Variants in USP34 observed in about 807,000 individuals in gnomAD.
USP34 encodes ubiquitin specific peptidase 34, also known as ubiquitin carboxyl-terminal hydrolase 34.
Under a neutral mutation model 460.3 loss-of-function variants are expected in USP34, and 70 were observed. That is an observed-to-expected ratio of 0.15 (90% CI 0.13 to 0.19). The LOEUF is 0.19. Ranked by LOEUF, USP34 falls within the 10% of genes least tolerant of loss-of-function variation. USP34 has a pLI of 1.00. For missense variants in USP34, 3,985 were observed against 4,236.2 expected (o/e 0.94, Z 1.65); for synonymous variants, 1,647 against 1,405.3 (o/e 1.17, Z -3.85).
intron 5 of USP34, among the ~76,000 whole-genome samples, chr2:61,392,596 C>T (rs890461852): frequency 2.0e-5 from 3 of 152,002 alleles, no homozygotes; most frequent in African/African-American, 4.8e-5. Flanking sequence ...TGCACTCTAG[C>T]CTGGGTGACG....
chr2:61,284,105 C>G (rs185893854), intron 35 of USP34, among the ~76,000 whole-genome samples: 9 of 152,144 alleles, frequency 5.9e-5, no homozygotes, highest in Admixed American at 4.6e-4. Flanking sequence ...CTTATTACAG[C>G]AAATACGAAA....
intron 10 of USP34, among the ~76,000 whole-genome samples, chr2:61,354,551 T>C (rs1039912924): frequency 3.9e-5 from 6 of 152,172 alleles, no homozygotes; most frequent in African/African-American, 1.4e-4. Flanking sequence ...CACAAGATGG[T>C]AGCAACCACA....
chr2:61,361,041 A>G (rs973555105), intron 10 of USP34, among the ~76,000 whole-genome samples: 6 of 152,188 alleles, frequency 3.9e-5, no homozygotes, highest in Non-Finnish European at 7.4e-5. Context: ...AAATAGCAAA[A>G]AACAATCTTG....
Position 61,206,120 on chromosome 2 carries a change from C to A in USP34, c.9051G>T (p.Val3017=). The change falls in exon 72 of 80, where the codon GTG becomes GTT. Residue 3017 remains valine (V), a synonymous_variant. Transcript: ENST00000398571. ...CCTGCCACTGGATTAATGCTTGTTT[C>A]ACATCTGCAAATATAAAAGCACATA... The part of the protein sequence containing the change: ...STRPYLQRKD[V]KQALIQWQER... 6.2e-7 allele frequency: 1 copy of A among 1,613,030 alleles called. No individual in the cohort carries two copies. The highest frequency in any genetic ancestry group is 1.1e-5 in the South Asian group (1 of 91,026).
chr2:61,222,678 G>C lies in USP34; in HGVS notation c.7750-15C>G. On this transcript the variant is annotated splice_polypyrimidine_tract_variant and intron_variant, in intron 64 of 79. Coordinates refer to ENST00000398571, the MANE Select transcript of USP34 (RefSeq NM_014709.4). The stretch of plus-strand genomic sequence containing the variant: ...ATAGATACAATCTAAAACAGAAAGA[G>C]GAGGATTTCAGGATATTCTTGTTTT... 1 of 1,609,346 alleles carries C rather than the reference G, an allele frequency of 6.2e-7. No individual in the cohort carries two copies. Among genetic ancestry groups the C allele is most frequent in the Non-Finnish European group, 8.5e-7 (1 of 1,177,614 alleles).
chr2:61,286,250 C>G (rs951433979), intron 34 of USP34, among the ~76,000 whole-genome samples: 16 of 152,166 alleles, frequency 1.1e-4, no homozygotes, highest in Non-Finnish European at 2.2e-4. Flanking sequence ...AGTATTAACG[C>G]AACAGAAATT....
chr2:61,205,880 G>A (rs1687104950), intron 72 of USP34, 137 bp downstream of exon 72: 4 of 598,954 alleles, frequency 6.7e-6, no homozygotes, highest in East Asian at 2.8e-5. Flanking sequence ...TATTTTCTTA[G>A]GACCTGCTAG....
At chr2:61,340,808 C>G (rs1405536372) in intron 16 of USP34, among the ~76,000 whole-genome samples, 1 of 148,600 alleles carries the variant, frequency 6.7e-6, no homozygotes, top group Non-Finnish European at 1.5e-5. Flanking sequence ...AAATACAATC[C>G]ATTTCATAGA....
At chr2:61,266,763 T>C (rs1162957999) in intron 41 of USP34, among the ~76,000 whole-genome samples, 1 of 152,228 alleles carries the variant, frequency 6.6e-6, no homozygotes, top group Non-Finnish European at 1.5e-5. Context: ...CCTGGAGTAC[T>C]GTGCAGAAAA....
intron 2 of USP34, chr2:61,417,504 C>G (rs1465780151): frequency 4.6e-6 from 1 of 217,748 alleles, no homozygotes; most frequent in African/African-American, 2.3e-5. Flanking sequence ...CCTGAGAAAT[C>G]AGACCATGAA....
chr2:61,467,934 G>A (rs538538806), intron 1 of USP34, among the ~76,000 whole-genome samples: 2 of 152,006 alleles, frequency 1.3e-5, no homozygotes, highest in Non-Finnish European at 2.9e-5. Flanking sequence ...GGCCAACTCT[G>A]AATTTCTAAA....
At chr2:61,285,346 G>A (rs994334658) in intron 34 of USP34, among the ~76,000 whole-genome samples, 9 of 151,852 alleles carry the variant, frequency 5.9e-5, no homozygotes, top group Admixed American at 2.6e-4. Flanking sequence ...AAATTAGCTG[G>A]GTGTGTGGTG....
At chr2:61,256,291 A>G (rs1454548722) in intron 48 of USP34, 93 bp downstream of exon 48, 4 of 1,172,960 alleles carry the variant, frequency 3.4e-6, no homozygotes, top group East Asian at 2.5e-5. Context: ...CCTTCATCAT[A>G]TAATTTCCAC....
chr2:61,231,930 A>G (rs1687917936), intron 58 of USP34, among the ~76,000 whole-genome samples: 2 of 150,958 alleles, frequency 1.3e-5, no homozygotes, highest in Non-Finnish European at 3.0e-5. Flanking sequence ...TAGTAACTGG[A>G]AAGTGGCATA....
chr2:61,406,080 A>C lies in USP34; in HGVS notation c.180T>G (p.Asn60Lys), dbSNP rs770240551. Residue 60 changes from asparagine (N) to lysine (K), a missense_variant, in exon 3 of 80, where the codon AAT (asparagine) becomes AAG (lysine). Asn to Lys is a moderately conservative substitution (Grantham distance 94). Coordinates refer to ENST00000398571, the MANE Select transcript of USP34 (RefSeq NM_014709.4). ...FKEYKHLEIF[N>K]QVVCALINLV... ...AGTTAATAAGTGCACACACTACTTG[A>C]TTAAAAATCTCCAAATGCTTATATT... is the stretch of plus-strand genomic sequence containing the variant. 5 of 1,612,906 alleles carry C rather than the reference A, an allele frequency of 3.1e-6. No homozygotes were observed. In the East Asian group the frequency reaches 1.1e-4, roughly 36 times the overall value.
chr2:61,301,199 T>A (rs375769277), intron 28 of USP34, 39 bp from the exon 29 acceptor site: 1 of 1,563,232 alleles, frequency 6.4e-7, no homozygotes, highest in Non-Finnish European at 8.6e-7. Context: ...CATATCAAGC[T>A]TTTAGTTTAA....
At position 61,348,053 on chromosome 2, in the gene USP34, G is replaced by A. The variant is rs1481633698; in HGVS notation, c.2102C>T (p.Pro701Leu). ...CATTTCCCCTGAAATATCATGTTCT[G>A]GGTCTTCAGAGTGTGAACAAGCATC... Reference protein sequence around the residue: ...MLDACSHSEDPEHDISGEMNA... With the variant: ...MLDACSHSEDLEHDISGEMNA... The change falls in exon 15 of 80, where the codon CCA becomes CTA. Residue 701 changes from proline (P) to leucine (L), a missense_variant. Transcript: ENST00000398571. 2.5e-6 allele frequency: 4 copies of A among 1,614,094 alleles called. No individual in the cohort carries two copies. The East Asian group carries it at 8.9e-5, about 36-fold the overall frequency.
At chr2:61,323,514 CA>C (rs10713213) in intron 21 of USP34, among the ~76,000 whole-genome samples, 38,827 of 101,226 alleles carry the variant, frequency 0.38, 5,350 homozygotes, top group Non-Finnish European at 0.41. Context: ...GACTCCGCCT[CA>C]AAAAAAAAAA....
intron 58 of USP34, among the ~76,000 whole-genome samples, chr2:61,229,964 G>A (rs1687842629): frequency 6.6e-6 from 1 of 152,096 alleles, no homozygotes; most frequent in Non-Finnish European, 1.5e-5. Context: ...TAAGAAGAGT[G>A]GAATGGGGAA....
Sources: allele counts gnomAD v4.1 joint callset (sites outside exome capture counted in the v4.1 genomes callset), GRCh38; gene constraint gnomAD v4.1.1; transcripts MANE v1.5; gene names NCBI Gene and HGNC (gene_info 2026-07-23, HGNC 2026-07-21).